Variants in EIF4G3 observed in about 807,000 individuals in gnomAD.
The protein encoded by EIF4G3 is eukaryotic translation initiation factor 4 gamma 3.
EIF4G3 carries 34 observed loss-of-function variants against 186.4 expected under a neutral mutation model. The observed-to-expected ratio is 0.18, with a 90% CI of 0.14 to 0.24. The LOEUF (loss-of-function observed/expected upper bound fraction) is 0.24. EIF4G3 is among the 10% of genes least tolerant of loss of function. The pLI is 1.00. For synonymous variants in EIF4G3, 673 were observed against 679.5 expected (o/e 0.99, Z 0.15); for missense variants, 1,536 against 1,948.5 (o/e 0.79, Z 3.99).
chr1:21,166,123 C>CTTTTTTTTTTTTTTTTTTTTTTT (rs1573668577), intron 2 of EIF4G3, among the ~76,000 whole-genome samples: 5 of 105,652 alleles, frequency 4.7e-5, no homozygotes, highest in East Asian at 2.4e-4. Context: ...CTTTTTTTTC[C>CTTTTTTTTTTTTTTTTTTTTTTT]TTTTAAAAAT....
At chr1:20,941,317 C>T (rs1211563157) in intron 14 of EIF4G3, 174 bp downstream of exon 14, 1 of 1,560,714 alleles carries the variant, frequency 6.4e-7, no homozygotes, top group Admixed American at 1.9e-5. Flanking sequence ...AATGGAGTAA[C>T]TCTTTTGCAG....
chr1:21,049,674 G>T (rs1301307492), intron 4 of EIF4G3, among the ~76,000 whole-genome samples: 1 of 152,100 alleles, frequency 6.6e-6, no homozygotes, highest in Admixed American at 6.6e-5. Flanking sequence ...ATGGCCAGGA[G>T]ATCAAGGCCA....
chr1:21,009,352 G>T (rs542314123), intron 4 of EIF4G3, among the ~76,000 whole-genome samples: 10 of 151,972 alleles, frequency 6.6e-5, no homozygotes, highest in African/African-American at 2.2e-4. Context: ...ACTAATTTTT[G>T]AATTTTTCGT....
chr1:20,953,662 G>A (rs932286768), intron 12 of EIF4G3, among the ~76,000 whole-genome samples: 3 of 152,156 alleles, frequency 2.0e-5, no homozygotes, highest in African/African-American at 4.8e-5. Flanking sequence ...ACCTTCTTTT[G>A]TCTTCTATTT....
Position 20,941,501 on chromosome 1 carries a change from G to A in EIF4G3, c.1653C>T (p.Ser551=), listed in dbSNP as rs2095712386. 3 of 1,609,272 alleles carry A rather than the reference G, an allele frequency of 1.9e-6. No individual in the cohort carries two copies. Among genetic ancestry groups the A allele is most frequent in the Non-Finnish European group, 2.5e-6 (3 of 1,177,692 alleles). Residue 551 remains serine, a synonymous_variant, in exon 14 of 37, where the codon AGC becomes AGT. Transcript: ENST00000602326. ...LDSQNLNSRR[S]PVPAQIAITV... is the part of the protein sequence containing the mutation. ...GGCAGAATGGCTTACCTGGGACAGG[G>A]CTCCTTCTTGAATTTAAGTTTTGAG...
rs544417261 is a variant in EIF4G3 at position 20,827,694 on chromosome 1, A to G, written c.4192T>C (p.Phe1398Leu). The change falls in exon 32 of 37, where the codon TTT becomes CTT. Residue 1398 changes from phenylalanine (F) to leucine (L), a missense_variant. Physicochemically the swap from Phe to Leu is conservative, Grantham distance 22 (BLOSUM62 0). Coordinates refer to ENST00000602326, the MANE Select transcript of EIF4G3 (RefSeq NM_001391906.1). ...GISMRELTIE[F>L]SKPLLPVGRA... Reference sequence around the variant, plus strand: ...CCAACAGGAAGTAAAGGTTTGCTAAATTCTCTGTAAAAGATAGGAGCAGTG... The same window carrying G: ...CCAACAGGAAGTAAAGGTTTGCTAAGTTCTCTGTAAAAGATAGGAGCAGTG... The G allele has an allele frequency of 3.1e-6, 5 of 1,607,282 alleles. No homozygotes were observed. The highest frequency in any genetic ancestry group is 1.7e-5 in the Admixed American group (1 of 59,986).
At chr1:20,939,695 T>A (rs915223491) in intron 14 of EIF4G3, among the ~76,000 whole-genome samples, 10 of 152,180 alleles carry the variant, frequency 6.6e-5, no homozygotes, top group African/African-American at 2.4e-4. Context: ...TTTAAAAACA[T>A]TTTTGTTCAT....
chr1:21,169,176 C>A (rs192620029), intron 2 of EIF4G3, among the ~76,000 whole-genome samples: 2 of 151,910 alleles, frequency 1.3e-5, no homozygotes, highest in Admixed American at 6.6e-5. Context: ...AGTGGCAAGG[C>A]GCGGTGGCTC....
chr1:21,083,738 C>A (rs4654899), intron 3 of EIF4G3, among the ~76,000 whole-genome samples: 61,365 of 151,942 alleles, frequency 0.4, 12,690 homozygotes, highest in Non-Finnish European at 0.43. Context: ...CAAATATTTC[C>A]TGTAAACTGC....
At chr1:21,154,516 T>C (rs966486499) in intron 2 of EIF4G3, among the ~76,000 whole-genome samples, 1 of 152,222 alleles carries the variant, frequency 6.6e-6, no homozygotes, top group African/African-American at 2.4e-5. Context: ...ACTTTAAGAA[T>C]CCTTCTGTCA....
At chr1:20,977,658 C>T (rs1352554035) in intron 10 of EIF4G3, among the ~76,000 whole-genome samples, 1 of 152,094 alleles carries the variant, frequency 6.6e-6, no homozygotes, top group Non-Finnish European at 1.5e-5. Context: ...GAAAGCATAT[C>T]TATGAAAGGG....
intron 2 of EIF4G3, among the ~76,000 whole-genome samples, chr1:21,134,409 C>T (rs767900970): frequency 2.0e-5 from 3 of 152,136 alleles, no homozygotes; most frequent in Non-Finnish European, 2.9e-5. Flanking sequence ...TGGCTCACAC[C>T]TATAATCCCA....
At position 20,865,171 on chromosome 1, in the gene EIF4G3, T is replaced by A. The variant is rs773392985; in HGVS notation, c.2714A>T (p.Lys905Ile). 3.5e-5 allele frequency: 57 copies of A among 1,614,030 alleles called. No individual in the cohort carries two copies. Among genetic ancestry groups the A allele is most frequent in the Non-Finnish European group, 4.3e-5 (51 of 1,180,024 alleles). The change falls in exon 21 of 37, where the codon AAA becomes ATA. Residue 905 changes from lysine (K) to isoleucine (I), a missense_variant. Around this residue, in one of 11 missense-constraint regions of EIF4G3, gnomAD observed 77 missense variants for 131.6 expected, o/e 0.59. Transcript: ENST00000602326. Reference sequence around the variant, plus strand: ...CTTCTCAAAGACATCATCATCTGCTTTATCTTTTTCAAACTCCTTCTGGCA... The same window carrying A: ...CTTCTCAAAGACATCATCATCTGCTATATCTTTTTCAAACTCCTTCTGGCA... ...NRCQKEFEKD[K>I]ADDDVFEKKQ...
chr1:21,021,892 G>A (rs527970583), intron 4 of EIF4G3, among the ~76,000 whole-genome samples: 1 of 152,004 alleles, frequency 6.6e-6, no homozygotes, highest in Non-Finnish European at 1.5e-5. Context: ...TACATGGTAG[G>A]CACAAACCTT....
At chr1:21,005,337 G>A (rs1184828678) in intron 4 of EIF4G3, among the ~76,000 whole-genome samples, 1 of 152,086 alleles carries the variant, frequency 6.6e-6, no homozygotes, top group Admixed American at 6.5e-5. Flanking sequence ...TTTGATCTTA[G>A]GATATATTTT....
chr1:20,893,118 A>ATGC (rs1301217479), intron 18 of EIF4G3: 41 of 175,508 alleles, frequency 2.3e-4, no homozygotes, highest in South Asian at 1.8e-3. Context: ...TTTGTGGTAG[A>ATGC]GACAGGGTCT....
At chr1:21,077,509 C>G (rs1039309460) in intron 3 of EIF4G3, among the ~76,000 whole-genome samples, 1 of 150,878 alleles carries the variant, frequency 6.6e-6, no homozygotes, top group African/African-American at 2.4e-5. Context: ...TATCACTGAT[C>G]ATCAGGGAAA....
intron 20 of EIF4G3, among the ~76,000 whole-genome samples, chr1:20,874,267 C>T (rs2080116630): frequency 6.6e-6 from 1 of 152,090 alleles, no homozygotes; most frequent in Non-Finnish European, 1.5e-5. Context: ...AATCGTCATA[C>T]TGTTGAACCA....
intron 12 of EIF4G3, among the ~76,000 whole-genome samples, chr1:20,959,186 T>C (rs1019084498): frequency 6.6e-6 from 1 of 152,036 alleles, no homozygotes; most frequent in African/African-American, 2.4e-5. Context: ...GGTATAAAAG[T>C]AGGCAAATAA....
Sources: gnomAD v4.1 joint callset for allele counts (sites outside exome capture counted in the v4.1 genomes callset) on GRCh38, gnomAD v4.1.1 for gene constraint, gnomAD v4.1.1 regional missense constraint, MANE v1.5 for transcripts, NCBI Gene and HGNC (gene_info 2026-07-23, HGNC 2026-07-21) for gene names.